SGCZ: variants seen among roughly 807,000 people sequenced by gnomAD.
SGCZ encodes the protein sarcoglycan zeta, also known as zeta-sarcoglycan.
Under a neutral mutation model 41.3 loss-of-function variants are expected in SGCZ, and 40 were observed. That is an observed-to-expected ratio of 0.97 (90% CI 0.75 to 1.26). SGCZ has a LOEUF of 1.26. Ranked by LOEUF, SGCZ falls within the 50% of genes most tolerant of loss-of-function variation. The probability of loss-of-function intolerance (pLI) is 0.00; values close to 1 mark genes in which losing one functional copy is unlikely to be tolerated. For synonymous variants in SGCZ, 206 were observed against 137.5 expected (o/e 1.50, Z -3.49); for missense variants, 552 against 369.8 (o/e 1.49, Z -4.04).
chr8:14,387,887 C>G (rs1804631109), intron 2 of SGCZ, among the ~76,000 whole-genome samples: 1 of 151,780 alleles, frequency 6.6e-6, no homozygotes, highest in Non-Finnish European at 1.5e-5. Flanking sequence ...TATCAAAACC[C>G]TGAAATGAGA....
chr8:14,433,120 A>C (rs1219763564), intron 2 of SGCZ, among the ~76,000 whole-genome samples: 1 of 152,178 alleles, frequency 6.6e-6, no homozygotes, highest in Non-Finnish European at 1.5e-5. Flanking sequence ...ACATATGTGG[A>C]AAATAAAATT....
chr8:14,287,208 T>C (rs1296445834), intron 3 of SGCZ, among the ~76,000 whole-genome samples: 2 of 151,344 alleles, frequency 1.3e-5, no homozygotes, highest in African/African-American at 2.4e-5. Context: ...TTTAGTTATA[T>C]ATATATAATT....
intron 1 of SGCZ, among the ~76,000 whole-genome samples, chr8:14,993,798 G>A (rs536499492): frequency 2.4e-4 from 37 of 152,310 alleles, no homozygotes; most frequent in African/African-American, 8.4e-4. Flanking sequence ...ACAGACGCAA[G>A]ATAAGGTAGG....
chr8:14,629,679 C>G (rs1362416862), intron 1 of SGCZ, among the ~76,000 whole-genome samples: 1 of 151,904 alleles, frequency 6.6e-6, no homozygotes, highest in Non-Finnish European at 1.5e-5. Context: ...GAATCCTTGT[C>G]TATGGAATGC....
chr8:14,366,797 G>A (rs1010125581), intron 2 of SGCZ, among the ~76,000 whole-genome samples: 6 of 152,168 alleles, frequency 3.9e-5, no homozygotes, highest in Middle Eastern at 3.4e-3. Flanking sequence ...TAATATCAAA[G>A]GCAAGTTAAT....
In SGCZ at chr8:14,968,826, C is replaced by T. The variant is rs188814853; in HGVS notation, c.39+268759G>A. Among the ~76,000 whole-genome samples, 5 of 152,198 alleles carry T rather than the reference C, an allele frequency of 3.3e-5. No homozygotes were observed. In the East Asian group the frequency reaches 9.7e-4, roughly 29 times the overall value. ...CTTGTGTATACACTATCGGTAACAA[C>T]TGGAGGCCAAGGCTTTTACATTTTA... On this transcript the variant is annotated intron_variant, in intron 1 of 7. Transcript: ENST00000382080.
At chr8:15,049,533 C>G (rs991436408) in intron 1 of SGCZ, among the ~76,000 whole-genome samples, 1 of 152,026 alleles carries the variant, frequency 6.6e-6, no homozygotes, top group African/African-American at 2.4e-5. Context: ...CTCTGACTCT[C>G]CAATATTGAA....
intron 1 of SGCZ, among the ~76,000 whole-genome samples, chr8:15,220,904 A>T (rs182663721): frequency 1.3e-5 from 2 of 152,136 alleles, no homozygotes; most frequent in African/African-American, 4.8e-5. Context: ...TGAGCAAACT[A>T]TCACAAGTAC....
intron 2 of SGCZ, 95 bp downstream of exon 2, chr8:14,554,637 T>C (rs1803974328): frequency 1.0e-6 from 1 of 982,140 alleles, no homozygotes; most frequent in Non-Finnish European, 1.5e-6. Flanking sequence ...TTGTAAATAT[T>C]GATATGAATA....
intron 2 of SGCZ, among the ~76,000 whole-genome samples, chr8:14,354,683 T>A (rs1803230395): frequency 6.6e-6 from 1 of 151,646 alleles, no homozygotes; most frequent in African/African-American, 2.4e-5. Flanking sequence ...ACACACACAC[T>A]CAGAGACAAA....
At chr8:14,989,989 C>A (rs1801953120) in intron 1 of SGCZ, among the ~76,000 whole-genome samples, 1 of 152,028 alleles carries the variant, frequency 6.6e-6, no homozygotes, top group African/African-American at 2.4e-5. Flanking sequence ...ATGACTGAGG[C>A]ACTATTAATA....
intron 1 of SGCZ, among the ~76,000 whole-genome samples, chr8:15,004,587 G>C (rs1802536343): frequency 6.6e-6 from 1 of 152,142 alleles, no homozygotes; most frequent in South Asian, 2.1e-4. Context: ...AGCCTGCTCT[G>C]CTTCATCTTT....
Position 14,085,059 on chromosome 8 carries a change from C to T in SGCZ, c.*5384G>A, listed in dbSNP as rs1255851032. Among the ~76,000 whole-genome samples the T allele has an allele frequency of 6.6e-6, 1 of 151,618 alleles. No individual in the cohort carries two copies. The highest frequency in any genetic ancestry group is 2.0e-4 in the East Asian group (1 of 5,124). ...CCCAAAATATACCCCAATTAAGTTC[C>T]ATCTAAACAAAAGATACAATAGACT... On this transcript the variant is annotated 3_prime_UTR_variant, in exon 8 of 8. Coordinates refer to ENST00000382080, the MANE Select transcript of SGCZ (RefSeq NM_139167.4).
At chr8:15,103,411 A>AATAC (rs1288058040) in intron 1 of SGCZ, among the ~76,000 whole-genome samples, 2 of 151,268 alleles carry the variant, frequency 1.3e-5, no homozygotes, top group Non-Finnish European at 3.0e-5. Flanking sequence ...TAAATAAATA[A>AATAC]ATAAATAAAT....
intron 1 of SGCZ, among the ~76,000 whole-genome samples, chr8:15,195,442 C>T (rs2117120401): frequency 6.6e-6 from 1 of 152,250 alleles, no homozygotes; most frequent in African/African-American, 2.4e-5. Flanking sequence ...GGTCTTAGTG[C>T]TCGGCAAGCT....
chr8:15,039,401 T>C (rs1803993207), intron 1 of SGCZ, among the ~76,000 whole-genome samples: 1 of 152,180 alleles, frequency 6.6e-6, no homozygotes, highest in African/African-American at 2.4e-5. Flanking sequence ...TGATATTACT[T>C]ACATGTGGCA....
At chr8:14,120,391 A>G (rs1197160728) in intron 5 of SGCZ, among the ~76,000 whole-genome samples, 1 of 152,218 alleles carries the variant, frequency 6.6e-6, no homozygotes, top group Non-Finnish European at 1.5e-5. Context: ...CAGGTACAAC[A>G]TAACCTCTAT....
intron 1 of SGCZ, among the ~76,000 whole-genome samples, chr8:14,973,924 C>A (rs116902646): frequency 6.6e-6 from 1 of 151,988 alleles, no homozygotes; most frequent in Admixed American, 6.6e-5. Flanking sequence ...AGAGACTAGG[C>A]TTTTTTTAAA....
chr8:15,103,843 A>T (rs1806708846), intron 1 of SGCZ, among the ~76,000 whole-genome samples: 1 of 152,192 alleles, frequency 6.6e-6, no homozygotes. Context: ...AGAAAATATA[A>T]AATCTAATTG....
Sources: gnomAD v4.1 joint callset for allele counts (sites outside exome capture counted in the v4.1 genomes callset) on GRCh38, gnomAD v4.1.1 for gene constraint, MANE v1.5 for transcripts, NCBI Gene and HGNC (gene_info 2026-07-23, HGNC 2026-07-21) for gene names.